SLC4A5: variants seen among roughly 807,000 people sequenced by gnomAD.
The protein encoded by SLC4A5 is solute carrier family 4 member 5.
Under a neutral mutation model 120.4 loss-of-function variants are expected in SLC4A5, and 96 were observed. That is an observed-to-expected ratio of 0.80 (90% CI 0.68 to 0.94). The LOEUF (loss-of-function observed/expected upper bound fraction) is 0.94, where lower values mean the gene tolerates loss of function less well. Among genes scored for constraint, SLC4A5 ranks in the 40% least tolerant of loss-of-function variants. SLC4A5 has a pLI of 0.00. For synonymous variants in SLC4A5, 550 were observed against 571.1 expected (o/e 0.96, Z 0.53); for missense variants, 1,259 against 1,459.5 (o/e 0.86, Z 2.24).
exon 19 of SLC4A5, chr2:74,247,038 G>T: frequency 6.2e-7 from 1 of 1,613,718 alleles, no homozygotes; most frequent in South Asian, 1.1e-5. Flanking sequence ...CCGGTCACCT[G>T]TGTCAGGGGC....
chr2:74,303,743 T>C (rs1360383691), intron 7 of SLC4A5, among the ~76,000 whole-genome samples: 2 of 152,202 alleles, frequency 1.3e-5, no homozygotes, highest in Non-Finnish European at 2.9e-5. Flanking sequence ...CACAATTCTG[T>C]ACCAGGTCTT....
chr2:74,230,103 G>T (rs1220470147), intron 25 of SLC4A5, among the ~76,000 whole-genome samples: 1 of 151,994 alleles, frequency 6.6e-6, no homozygotes, highest in Non-Finnish European at 1.5e-5. Flanking sequence ...GCCTCCCAAA[G>T]TCCTGGGATT....
chr2:74,271,355 T>A (rs188235239), intron 8 of SLC4A5, among the ~76,000 whole-genome samples: 1 of 152,142 alleles, frequency 6.6e-6, no homozygotes, highest in South Asian at 2.1e-4. Flanking sequence ...CTTGCTTGCA[T>A]ATAAGAATAC....
At chr2:74,341,586 T>C (rs572048124) in intron 2 of SLC4A5, among the ~76,000 whole-genome samples, 61 of 152,178 alleles carry the variant, frequency 4.0e-4, no homozygotes, top group Non-Finnish European at 7.8e-4. Context: ...GCTGAGTGAA[T>C]TGCTGACCAA....
intron 8 of SLC4A5, among the ~76,000 whole-genome samples, chr2:74,283,740 A>C (rs775110473): frequency 6.6e-6 from 1 of 152,146 alleles, no homozygotes; most frequent in Non-Finnish European, 1.5e-5. Flanking sequence ...ATTGCCCCCA[A>C]GGGGGCAAAA....
intron 3 of SLC4A5, 158 bp from the exon 4 acceptor site, chr2:74,334,335 AG>A (rs1367944695): frequency 6.6e-6 from 1 of 152,182 alleles, no homozygotes; most frequent in Non-Finnish European, 1.5e-5. Flanking sequence ...CTCACTCTAC[AG>A]CAGCCACGAC....
intron 20 of SLC4A5, among the ~76,000 whole-genome samples, chr2:74,240,824 A>ATG (rs1670417516): frequency 6.6e-6 from 1 of 152,132 alleles, no homozygotes; most frequent in South Asian, 2.1e-4. Flanking sequence ...GCCAACTAGG[A>ATG]TGTGTGTAGG....
intron 7 of SLC4A5, among the ~76,000 whole-genome samples, chr2:74,303,997 C>G (rs1433971820): frequency 1.3e-5 from 2 of 151,742 alleles, no homozygotes; most frequent in Non-Finnish European, 2.9e-5. Context: ...CTACAGGCAC[C>G]CGCCACTACG....
intron 7 of SLC4A5, among the ~76,000 whole-genome samples, chr2:74,299,551 G>T (rs781286177): frequency 3.3e-5 from 5 of 152,160 alleles, no homozygotes; most frequent in Non-Finnish European, 7.4e-5. Flanking sequence ...TCTCAGTTAT[G>T]TCTTTGTTAG....
At chr2:74,269,055 C>G (rs1204539680) in intron 8 of SLC4A5, among the ~76,000 whole-genome samples, 2 of 152,146 alleles carry the variant, frequency 1.3e-5, no homozygotes, top group Non-Finnish European at 2.9e-5. Context: ...ACCAGGCAGA[C>G]AAGTTGTAGC....
chr2:74,331,597 C>T lies in SLC4A5; in HGVS notation c.-70+2430G>A, dbSNP rs1673368256. Reference sequence around the variant, plus strand: ...CATTAGGAGTCTGGAGACCCTTATTCTTTCAGAGCCATGGTACCTTTGGGA... The same window carrying T: ...CATTAGGAGTCTGGAGACCCTTATTTTTTCAGAGCCATGGTACCTTTGGGA... On this transcript the variant is annotated intron_variant, in intron 4 of 30. Transcript: ENST00000394019. Among the ~76,000 whole-genome samples the T allele has an allele frequency of 2.0e-5, 3 of 151,908 alleles. No individual in the cohort carries two copies. In the South Asian group the frequency reaches 6.2e-4, roughly 31 times the overall value.
At chr2:74,305,310 A>G (rs1672608154) in intron 6 of SLC4A5, among the ~76,000 whole-genome samples, 2 of 152,330 alleles carry the variant, frequency 1.3e-5, no homozygotes, top group South Asian at 2.1e-4. Flanking sequence ...GGACATTGCT[A>G]TCAGTTTAAC....
intron 12 of SLC4A5, 122 bp downstream of exon 12, chr2:74,259,466 T>A (rs903936181): frequency 6.1e-6 from 7 of 1,147,818 alleles, no homozygotes; most frequent in Non-Finnish European, 7.8e-6. Context: ...CTGGGGATCT[T>A]CCTGGAACTC....
chr2:74,273,394 T>C (rs1046727338), intron 8 of SLC4A5, among the ~76,000 whole-genome samples: 2 of 152,232 alleles, frequency 1.3e-5, no homozygotes, highest in African/African-American at 4.8e-5. Context: ...AACATTTGTT[T>C]TAAGAATTAC....
At position 74,232,734 on chromosome 2, in the gene SLC4A5, A is replaced by C. The variant is rs376754364; in HGVS notation, c.2596-87T>G. On this transcript the variant is annotated intron_variant, in intron 23 of 30. Transcript: ENST00000394019. ...CCATTCTGTGGAACATGGTTCAAGG[A>C]CCCCCTGCCTTCCAGAAGATACTGA... The C allele has an allele frequency of 1.8e-4, 268 of 1,502,334 alleles. 1 individual carries two copies. In the African/African-American group the frequency reaches 3.5e-3, roughly 20 times the overall value. 93.1% of individuals were successfully genotyped at this position (1,502,334 alleles called of 1,614,324 possible).
intron 8 of SLC4A5, among the ~76,000 whole-genome samples, chr2:74,266,468 C>T (rs906145470): frequency 6.6e-6 from 1 of 152,104 alleles, no homozygotes; most frequent in Non-Finnish European, 1.5e-5. Flanking sequence ...GGGGTTTCAT[C>T]ATGTTGCCCA....
At chr2:74,253,518 C>G (rs141325542) in intron 14 of SLC4A5, among the ~76,000 whole-genome samples, 1 of 152,162 alleles carries the variant, frequency 6.6e-6, no homozygotes, top group African/African-American at 2.4e-5. Context: ...GAGGCTCAGG[C>G]CGTGTTCTTC....
At chr2:74,224,941 C>T (rs760570306) in exon 28 of SLC4A5, 67 of 1,613,888 alleles carry the variant, frequency 4.2e-5, no homozygotes, top group Non-Finnish European at 5.3e-5. Flanking sequence ...CAGGCCAGGT[C>T]GTGCTGGGAA....
chr2:74,336,546 A>T (rs2104352337), intron 3 of SLC4A5, among the ~76,000 whole-genome samples: 1 of 152,334 alleles, frequency 6.6e-6, no homozygotes, highest in East Asian at 1.9e-4. Context: ...TACATGAAAC[A>T]TTGAGAGCAG....
Sources: allele counts gnomAD v4.1 joint callset (sites outside exome capture counted in the v4.1 genomes callset), GRCh38; gene constraint gnomAD v4.1.1; transcripts MANE v1.5; gene names NCBI Gene and HGNC (gene_info 2026-07-23, HGNC 2026-07-21).